CTNNA3: variants seen among roughly 807,000 people sequenced by gnomAD.
CTNNA3 encodes the protein catenin alpha-3.
A neutral mutation model predicts 95.7 loss-of-function variants in CTNNA3; 76 were observed. The observed-to-expected ratio is 0.79, with a 90% CI of 0.66 to 0.96. The LOEUF (loss-of-function observed/expected upper bound fraction) is 0.96, where lower values mean the gene tolerates loss of function less well. Among genes scored for constraint, CTNNA3 ranks in the 40% least tolerant of loss-of-function variants. The pLI is 0.00. For missense variants in CTNNA3, 1,191 were observed against 1,089.8 expected, an observed-to-expected ratio of 1.09 and a Z score of -1.31; for synonymous variants, 431 against 374.4, an observed-to-expected ratio of 1.15 and a Z score of -1.74.
intron 7 of CTNNA3, among the ~76,000 whole-genome samples, chr10:67,111,306 A>G (rs1419311053): frequency 6.6e-6 from 1 of 152,150 alleles, no homozygotes; most frequent in Non-Finnish European, 1.5e-5. Context: ...ATAAGATTAT[A>G]TTTCACTCAG....
intron 3 of CTNNA3, among the ~76,000 whole-genome samples, chr10:67,602,352 C>T (rs1843110511): frequency 6.6e-6 from 1 of 152,132 alleles, no homozygotes; most frequent in Non-Finnish European, 1.5e-5. Flanking sequence ...TGTCACTATC[C>T]CTACTATCCA....
intron 1 of CTNNA3, among the ~76,000 whole-genome samples, chr10:67,662,317 T>A (rs554125487): frequency 5.3e-5 from 8 of 152,322 alleles, no homozygotes; most frequent in African/African-American, 1.9e-4. Flanking sequence ...CAATAAAAGT[T>A]ATGTGAATGT....
At chr10:67,197,882 C>A (rs1415438177) in intron 6 of CTNNA3, among the ~76,000 whole-genome samples, 1 of 152,092 alleles carries the variant, frequency 6.6e-6, no homozygotes, top group East Asian at 1.9e-4. Flanking sequence ...ATAAGTGCCA[C>A]AAAATCATCA....
chr10:65,945,552 A>G (rs2077503317), intron 17 of CTNNA3, among the ~76,000 whole-genome samples: 2 of 152,168 alleles, frequency 1.3e-5, no homozygotes, highest in African/African-American at 4.8e-5. Context: ...TACATTGAGA[A>G]TGTTGGACAG....
intron 7 of CTNNA3, among the ~76,000 whole-genome samples, chr10:67,096,773 C>G (rs1858019322): frequency 6.6e-6 from 1 of 151,822 alleles, no homozygotes; most frequent in Non-Finnish European, 1.5e-5. Flanking sequence ...GCAAGGGAGT[C>G]CCTTCCTCAT....
intron 5 of CTNNA3, among the ~76,000 whole-genome samples, chr10:67,359,121 C>G (rs1357092124): frequency 6.6e-6 from 1 of 151,710 alleles, no homozygotes; most frequent in African/African-American, 2.4e-5. Flanking sequence ...CGAAGGAACC[C>G]ATACAGAGCC....
rs3132083 is a variant in CTNNA3 at position 67,707,447 on chromosome 10, G to T, written c.-2+55987C>A. On this transcript the variant is annotated intron_variant, in intron 1 of 17. Coordinates refer to the CTNNA3 transcript ENST00000684154. ...GGGCAATTGCACTTGCTGTTCCTTT[G>T]CCTGAAACCATTTGCTCCCAGCTAT... Among the ~76,000 whole-genome samples, 268 of 152,064 alleles carry T rather than the reference G, an allele frequency of 1.8e-3. 3 individuals carry two copies. The highest frequency in any genetic ancestry group is 6.2e-3 in the African/African-American group (257 of 41,472).
chr10:66,021,605 A>G (rs1390878918), intron 15 of CTNNA3, among the ~76,000 whole-genome samples: 1 of 152,164 alleles, frequency 6.6e-6, no homozygotes, highest in Non-Finnish European at 1.5e-5. Flanking sequence ...TCTACTCTAA[A>G]GGAGAACTCT....
At chr10:66,309,906 A>AAAATAAATAAAT (rs140451350) in intron 12 of CTNNA3, among the ~76,000 whole-genome samples, 25 of 135,850 alleles carry the variant, frequency 1.8e-4, no homozygotes, top group South Asian at 7.1e-4. Flanking sequence ...AAAGATACAA[A>AAAATAAATAAAT]AAATAAATAA....
intron 7 of CTNNA3, among the ~76,000 whole-genome samples, chr10:66,976,100 G>C (rs971253667): frequency 1.3e-5 from 2 of 152,104 alleles, no homozygotes; most frequent in Non-Finnish European, 2.9e-5. Flanking sequence ...GGTGCTAGTA[G>C]CTTTGTATTA....
chr10:66,958,580 G>A (rs1395406384), intron 7 of CTNNA3, among the ~76,000 whole-genome samples: 1 of 152,050 alleles, frequency 6.6e-6, no homozygotes, highest in Non-Finnish European at 1.5e-5. Context: ...AAGTAAGTAA[G>A]CGAATCCTGC....
chr10:67,538,179 AAG>A (rs1554850912), intron 4 of CTNNA3, among the ~76,000 whole-genome samples: 42 of 150,412 alleles, frequency 2.8e-4, no homozygotes, highest in African/African-American at 9.8e-4. Flanking sequence ...AAAAAAAAAA[AAG>A]GTATTGAATT....
Position 66,194,595 on chromosome 10 carries a change from T to G in CTNNA3, c.1884+85875A>C, listed in dbSNP as rs978766696. On this transcript the variant is annotated intron_variant, in intron 13 of 17. Coordinates refer to ENST00000433211, the MANE Select transcript of CTNNA3 (RefSeq NM_013266.4). ...GACTCCATCTCAAAAAATAATTAAA[T>G]AAATAAAAACTAAACAAACTTACCA... 2.0e-5 allele frequency among the ~76,000 whole-genome samples: 3 copies of G among 152,178 alleles called. No individual in the cohort carries two copies. In the East Asian group the frequency reaches 5.8e-4, roughly 29 times the overall value.
At chr10:66,968,009 C>A (rs2132812036) in intron 7 of CTNNA3, among the ~76,000 whole-genome samples, 1 of 152,070 alleles carries the variant, frequency 6.6e-6, no homozygotes, top group East Asian at 1.9e-4. Flanking sequence ...ATATAAAAGT[C>A]TAAGTCTATA....
chr10:67,513,135 G>A (rs1839694546), intron 5 of CTNNA3, among the ~76,000 whole-genome samples: 1 of 152,124 alleles, frequency 6.6e-6, no homozygotes, highest in African/African-American at 2.4e-5. Context: ...AGTTTGATAT[G>A]AAACCCAATT....
intron 11 of CTNNA3, among the ~76,000 whole-genome samples, chr10:66,450,572 C>A (rs961958293): frequency 1.3e-5 from 2 of 151,978 alleles, no homozygotes; most frequent in African/African-American, 2.4e-5. Flanking sequence ...CAGAATATAA[C>A]AAGAAATTGC....
At chr10:65,965,293 C>G (rs2077933578) in intron 17 of CTNNA3, among the ~76,000 whole-genome samples, 1 of 147,402 alleles carries the variant, frequency 6.8e-6, no homozygotes, top group Non-Finnish European at 1.5e-5. Context: ...TATAAGAAAA[C>G]AGAACAAATA....
chr10:67,063,611 A>G (rs1855893146), intron 7 of CTNNA3, among the ~76,000 whole-genome samples: 1 of 152,324 alleles, frequency 6.6e-6, no homozygotes, highest in South Asian at 2.1e-4. Flanking sequence ...TTAGTTTTAG[A>G]TAATGCATAT....
chr10:65,941,005 T>C (rs2077421737), intron 17 of CTNNA3, among the ~76,000 whole-genome samples: 1 of 152,170 alleles, frequency 6.6e-6, no homozygotes, highest in African/African-American at 2.4e-5. Context: ...AAACAAATCT[T>C]ATGGATATAG....
Sources: allele counts gnomAD v4.1 joint callset (sites outside exome capture counted in the v4.1 genomes callset), GRCh38; gene constraint gnomAD v4.1.1; transcripts MANE v1.5; gene names NCBI Gene and HGNC (gene_info 2026-07-23, HGNC 2026-07-21).